Variants in ATRNL1 observed in about 807,000 individuals in gnomAD.
The protein encoded by ATRNL1 is attractin-like protein 1.
A neutral mutation model predicts 182.7 loss-of-function variants in ATRNL1; 95 were observed. The observed-to-expected ratio is 0.52, with a 90% CI of 0.44 to 0.62. The LOEUF (loss-of-function observed/expected upper bound fraction) is 0.62, where lower values mean the gene tolerates loss of function less well. ATRNL1 is among the 20% of genes least tolerant of loss of function. The probability of loss-of-function intolerance (pLI) is 0.00; values close to 1 mark genes in which losing one functional copy is unlikely to be tolerated. For missense variants in ATRNL1, 1,471 were observed against 1,679.5 expected (o/e 0.88, Z 2.17); for synonymous variants, 576 against 568.3 (o/e 1.01, Z -0.19).
intron 27 of ATRNL1, among the ~76,000 whole-genome samples, chr10:115,786,342 GA>G (rs1366655237): frequency 6.6e-6 from 1 of 152,112 alleles, no homozygotes; most frequent in Non-Finnish European, 1.5e-5. Context: ...TATACCAACA[GA>G]AGTGTATGGT....
chr10:115,453,794 T>G (rs1847389400), intron 21 of ATRNL1, among the ~76,000 whole-genome samples: 3 of 124,516 alleles, frequency 2.4e-5, no homozygotes, highest in South Asian at 3.2e-4. Context: ...CTGGGGACTG[T>G]TGTGGGGTTG....
At chr10:115,323,045 A>T (rs1412420125) in intron 18 of ATRNL1, among the ~76,000 whole-genome samples, 1 of 152,016 alleles carries the variant, frequency 6.6e-6, no homozygotes, top group Non-Finnish European at 1.5e-5. Context: ...GAGTTTTCAG[A>T]AATGATGTTT....
intron 20 of ATRNL1, among the ~76,000 whole-genome samples, chr10:115,425,617 A>T (rs1383444915): frequency 7.2e-5 from 11 of 152,154 alleles, no homozygotes; most frequent in East Asian, 5.8e-4. Context: ...ATGGATGCGC[A>T]TATGTTCTTT....
intron 26 of ATRNL1, among the ~76,000 whole-genome samples, chr10:115,673,030 A>G (rs1004982036): frequency 2.6e-5 from 4 of 152,014 alleles, no homozygotes; most frequent in African/African-American, 9.7e-5. Context: ...TACTGATTTT[A>G]GGAATGAATA....
At chr10:115,716,910 G>A (rs1343862014) in intron 26 of ATRNL1, among the ~76,000 whole-genome samples, 10 of 152,096 alleles carry the variant, frequency 6.6e-5, no homozygotes, top group Non-Finnish European at 1.5e-4. Context: ...GACTGTGGGG[G>A]TATTCTATGT....
At chr10:115,094,675 T>C (rs2084968547) in intron 1 of ATRNL1, among the ~76,000 whole-genome samples, 1 of 152,162 alleles carries the variant, frequency 6.6e-6, no homozygotes, top group Admixed American at 6.5e-5. Context: ...TTATGCTGGA[T>C]TTACGGAGAG....
chr10:115,467,569 A>G (rs1415400070), intron 23 of ATRNL1, among the ~76,000 whole-genome samples: 2 of 150,706 alleles, frequency 1.3e-5, no homozygotes, highest in African/African-American at 4.8e-5. Context: ...CTGAAATTTC[A>G]ATTATTTGAT....
At chr10:115,699,056 T>G (rs536634507) in intron 26 of ATRNL1, among the ~76,000 whole-genome samples, 2 of 152,122 alleles carry the variant, frequency 1.3e-5, no homozygotes, top group Non-Finnish European at 2.9e-5. Flanking sequence ...AAGATTGTTA[T>G]GTAGAAAATT....
At chr10:115,517,067 T>A (rs1221893134) in intron 24 of ATRNL1, among the ~76,000 whole-genome samples, 1 of 151,956 alleles carries the variant, frequency 6.6e-6, no homozygotes, top group Non-Finnish European at 1.5e-5. Context: ...TGACTATTTC[T>A]TGAATATTTT....
intron 20 of ATRNL1, among the ~76,000 whole-genome samples, chr10:115,415,154 A>G (rs115585547): frequency 6.6e-6 from 1 of 152,104 alleles, no homozygotes; most frequent in African/African-American, 2.4e-5. Context: ...TTCTATTCCT[A>G]CTAGCCCACA....
intron 21 of ATRNL1, among the ~76,000 whole-genome samples, chr10:115,439,870 A>G (rs1252454241): frequency 1.3e-5 from 2 of 151,944 alleles, no homozygotes; most frequent in African/African-American, 4.8e-5. Context: ...CTTTTACCAT[A>G]CATTGATTAT....
intron 24 of ATRNL1, among the ~76,000 whole-genome samples, chr10:115,487,456 C>T (rs1554975443): frequency 6.6e-6 from 1 of 152,162 alleles, no homozygotes; most frequent in Non-Finnish European, 1.5e-5. Flanking sequence ...AGGTCCTTCA[C>T]ATCCCTTGTA....
chr10:115,113,670 A>T (rs1463527133), intron 1 of ATRNL1, among the ~76,000 whole-genome samples: 1 of 152,134 alleles, frequency 6.6e-6, no homozygotes, highest in Non-Finnish European at 1.5e-5. Flanking sequence ...TTCCACCATG[A>T]TTGTGCATGC....
intron 25 of ATRNL1, among the ~76,000 whole-genome samples, chr10:115,531,570 T>C (rs1384922424): frequency 1.3e-5 from 2 of 150,614 alleles, no homozygotes; most frequent in African/African-American, 4.9e-5. Context: ...TTCTCCCATT[T>C]TGTAGGCTGC....
intron 26 of ATRNL1, among the ~76,000 whole-genome samples, chr10:115,573,804 T>C (rs1347113107): frequency 6.6e-6 from 1 of 152,122 alleles, no homozygotes; most frequent in Non-Finnish European, 1.5e-5. Context: ...ATAGATAAAT[T>C]GGTTAGGATG....
chr10:115,396,546 C>T (rs1554955647), intron 20 of ATRNL1, among the ~76,000 whole-genome samples: 2 of 151,856 alleles, frequency 1.3e-5, no homozygotes, highest in Non-Finnish European at 2.9e-5. Context: ...ATAGCATGTT[C>T]TGGTTATAAG....
intron 26 of ATRNL1, among the ~76,000 whole-genome samples, chr10:115,560,568 A>G (rs1201154280): frequency 1.3e-5 from 2 of 152,202 alleles, no homozygotes; most frequent in Non-Finnish European, 2.9e-5. Context: ...CAAAGACTTT[A>G]TGTTGTTAAG....
chr10:115,789,783 A>T (rs936160563), intron 27 of ATRNL1, among the ~76,000 whole-genome samples: 1 of 152,282 alleles, frequency 6.6e-6, no homozygotes, highest in Admixed American at 6.5e-5. Flanking sequence ...CTATGGGAAA[A>T]TTTTGCCTCG....
intron 26 of ATRNL1, among the ~76,000 whole-genome samples, chr10:115,582,682 C>T (rs1855204094): frequency 1.3e-5 from 2 of 148,428 alleles, no homozygotes; most frequent in Admixed American, 6.8e-5. Flanking sequence ...AAATTTTCTC[C>T]CATTTTGTAG....
Sources: gnomAD v4.1 joint callset for allele counts (sites outside exome capture counted in the v4.1 genomes callset) on GRCh38, gnomAD v4.1.1 for gene constraint, MANE v1.5 for transcripts, NCBI Gene and HGNC (gene_info 2026-07-23, HGNC 2026-07-21) for gene names.